TMEM154: variants seen among roughly 807,000 people sequenced by gnomAD.
TMEM154 encodes transmembrane protein 154.
TMEM154 carries 27 observed loss-of-function variants against 24.5 expected under a neutral mutation model. The ratio of observed to expected loss-of-function variants is 1.10; its 90% CI spans 0.81 to 1.52. The LOEUF (loss-of-function observed/expected upper bound fraction) is 1.52. Ranked by LOEUF, TMEM154 falls within the 40% of genes most tolerant of loss-of-function variation. TMEM154 has a pLI of 0.00. For synonymous variants in TMEM154, 67 were observed against 76.8 expected (o/e 0.87, Z 0.67); for missense variants, 228 against 213.4 (o/e 1.07, Z -0.43).
intron 1 of TMEM154, chr4:152,668,308 AG>A (rs981949056): frequency 7.9e-5 from 12 of 151,760 alleles, no homozygotes; most frequent in African/African-American, 2.9e-4. Flanking sequence ...AAAAAAAAAA[AG>A]GATTATTAAA....
Position 152,652,574 on chromosome 4 carries a change from G to T in TMEM154, c.328C>A (p.Pro110Thr), listed in dbSNP as rs368345486. 3.7e-6 allele frequency: 6 copies of T among 1,613,874 alleles called. No homozygotes were observed. The Admixed American group carries it at 5.0e-5, about 13-fold the overall frequency. ...YYKRKRTKQE[P>T]SSQGSQSALQ... ...GCACTCTGAGATCCTTGGCTAGAAG[G>T]TTCTGTATCAAAGCAAAGAATATTT... The change falls in exon 3 of 7, where the codon CCT (proline) becomes ACT (threonine). Residue 110 changes from proline (P) to threonine (T), a missense_variant and splice_region_variant. Physicochemically the swap from Pro to Thr is conservative, Grantham distance 38. Coordinates refer to ENST00000304385, the MANE Select transcript of TMEM154 (RefSeq NM_152680.3).
rs1228255033 is a variant in TMEM154, at chr4:152,627,644, A to G, written c.*902T>C. 2.0e-5 allele frequency: 3 copies of G among 152,224 alleles called. No individual in the cohort carries two copies. Among genetic ancestry groups the G allele is most frequent in the Non-Finnish European group, 1.5e-5 (1 of 68,058 alleles). 9.4% of individuals were successfully genotyped at this position (152,224 alleles called of 1,614,324 possible). ...TGAGTGAGATCTGCCACAGGCACGG[A>G]TATTTCCTGCTCCTCTTCTGTTTGT... On this transcript the variant is annotated 3_prime_UTR_variant, in exon 7 of 7. Coordinates refer to ENST00000304385, the MANE Select transcript of TMEM154 (RefSeq NM_152680.3).
intron 6 of TMEM154, among the ~76,000 whole-genome samples, chr4:152,629,818 A>G (rs754840429): frequency 2.6e-4 from 40 of 152,188 alleles, no homozygotes; most frequent in Non-Finnish European, 4.9e-4. Context: ...AGATAGATAG[A>G]CAGACAGATA....
chr4:152,675,246 A>C (rs1728929329), intron 1 of TMEM154, among the ~76,000 whole-genome samples: 1 of 152,080 alleles, frequency 6.6e-6, no homozygotes, highest in Admixed American at 6.6e-5. Context: ...AAAGTTACCA[A>C]ATAGATAATA....
At chr4:152,665,619 T>C (rs1728703564) in intron 1 of TMEM154, among the ~76,000 whole-genome samples, 1 of 152,160 alleles carries the variant, frequency 6.6e-6, no homozygotes, top group Non-Finnish European at 1.5e-5. Context: ...GAAAATGTTA[T>C]GGCTAATAGA....
intron 1 of TMEM154, among the ~76,000 whole-genome samples, chr4:152,656,494 T>C (rs896361562): frequency 2.0e-5 from 3 of 152,142 alleles, no homozygotes; most frequent in Admixed American, 1.3e-4. Flanking sequence ...CTACTGGCAC[T>C]GGTTCCAGCA....
chr4:152,676,835 C>G (rs1728959889), intron 1 of TMEM154, among the ~76,000 whole-genome samples: 1 of 152,164 alleles, frequency 6.6e-6, no homozygotes, highest in African/African-American at 2.4e-5. Flanking sequence ...AGAAAATCTC[C>G]CATTCCTCTC....
At chr4:152,670,381 G>A (rs180775934) in intron 1 of TMEM154, among the ~76,000 whole-genome samples, 327 of 152,240 alleles carry the variant, frequency 2.1e-3, no homozygotes, top group African/African-American at 7.7e-3. Context: ...ATTACTTGAG[G>A]TCAGGAGTTT....
chr4:152,645,103 T>C (rs1235935919), intron 3 of TMEM154, among the ~76,000 whole-genome samples: 3 of 121,412 alleles, frequency 2.5e-5, no homozygotes, highest in South Asian at 3.1e-4. Flanking sequence ...CAATTTCTCA[T>C]TGGTCAACCC....
rs942188874 is a variant in TMEM154, at chr4:152,627,430, G to A, written c.*1116C>T. 2 of 152,220 alleles carry A rather than the reference G, an allele frequency of 1.3e-5. No homozygotes were observed. The highest frequency in any genetic ancestry group is 1.3e-4 in the Admixed American group (2 of 15,276). 9.4% of individuals were successfully genotyped at this position (152,220 alleles called of 1,614,324 possible). On this transcript the variant is annotated 3_prime_UTR_variant, in exon 7 of 7. Transcript: ENST00000304385. Reference sequence around the variant, plus strand: ...AGATTTAGAAAATTAAGGAATAAATGAAGAACAATTTTACTGGAGTAGGTG... The same window carrying A: ...AGATTTAGAAAATTAAGGAATAAATAAAGAACAATTTTACTGGAGTAGGTG...
Position 152,660,382 on chromosome 4 carries a change from C to CCG in TMEM154, c.65-7456_65-7455insCG, listed in dbSNP as rs1033594483. Among the ~76,000 whole-genome samples, 31 of 151,348 alleles carry CCG rather than the reference C, an allele frequency of 2.0e-4. 1 individual carries two copies. Among genetic ancestry groups the CCG allele is most frequent in the African/African-American group, 6.6e-4 (27 of 40,752 alleles). ...CCTTGAGTATCCAGACCCCGCCCCC[C>CCG]CCTCACTTTACTTCTTTTGGTTACT... On this transcript the variant is annotated intron_variant, in intron 1 of 6. Coordinates refer to ENST00000304385, the MANE Select transcript of TMEM154 (RefSeq NM_152680.3).
intron 6 of TMEM154, among the ~76,000 whole-genome samples, chr4:152,628,812 ATT>A (rs777051841): frequency 1.2e-4 from 16 of 134,858 alleles, no homozygotes; most frequent in Admixed American, 1.5e-4. Flanking sequence ...AATTTTTTGT[ATT>A]TTTTTTTTTT....
In TMEM154 at chr4:152,662,621, ACAGGTGTC is replaced by A. The variant is rs553898804; in HGVS notation, c.65-9702_65-9695del. On this transcript the variant is annotated intron_variant, in intron 1 of 6. Transcript: ENST00000304385. ...CTCAAGGGATTTCCCCCAAAACATGACAGGTGTCCCTCCCATGGCCTATGGGTTAACAG... is the reference window on the plus strand; with the variant it reads ...CTCAAGGGATTTCCCCCAAAACATGACCTCCCATGGCCTATGGGTTAACAG... Among the ~76,000 whole-genome samples the A allele has an allele frequency of 1.9e-3, 294 of 152,190 alleles. 1 individual carries two copies. Among genetic ancestry groups the A allele is most frequent in the African/African-American group, 6.6e-3 (272 of 41,518 alleles).
At chr4:152,658,229 G>T (rs1367422082) in intron 1 of TMEM154, among the ~76,000 whole-genome samples, 1 of 152,002 alleles carries the variant, frequency 6.6e-6, no homozygotes, top group Non-Finnish European at 1.5e-5. Flanking sequence ...TTTTAAAAAA[G>T]GCTTGAAACA....
chr4:152,645,000 G>C (rs542665804), intron 3 of TMEM154, among the ~76,000 whole-genome samples: 1 of 152,178 alleles, frequency 6.6e-6, no homozygotes, highest in African/African-American at 2.4e-5. Flanking sequence ...TCCTCGGGGA[G>C]GCCTTCCCCA....
chr4:152,630,697 T>C (rs543313741), intron 6 of TMEM154, among the ~76,000 whole-genome samples: 1 of 152,332 alleles, frequency 6.6e-6, no homozygotes, highest in South Asian at 2.1e-4. Flanking sequence ...AAGTTAATTA[T>C]TATAAAATTT....
chr4:152,659,564 T>A (rs1418935110), intron 1 of TMEM154, among the ~76,000 whole-genome samples: 1 of 152,224 alleles, frequency 6.6e-6, no homozygotes, highest in Non-Finnish European at 1.5e-5. Flanking sequence ...AAGTGATGGA[T>A]ACCCCAAATA....
chr4:152,634,361 T>C (rs1752108150), intron 6 of TMEM154, among the ~76,000 whole-genome samples: 1 of 152,218 alleles, frequency 6.6e-6, no homozygotes, highest in East Asian at 1.9e-4. Context: ...GTTAAAACTT[T>C]CTTGTGTTAT....
chr4:152,643,147 G>A lies in TMEM154; in HGVS notation c.419C>T (p.Ser140Phe). 1 of 1,612,852 alleles carries A rather than the reference G, an allele frequency of 6.2e-7. No individual in the cohort carries two copies. The highest frequency in any genetic ancestry group is 8.5e-7 in the Non-Finnish European group (1 of 1,179,614). Residue 140 changes from serine (S) to phenylalanine (F), a missense_variant, in exon 5 of 7, where the codon TCT becomes TTT. By Grantham distance (155) the Ser-to-Phe change is radical (BLOSUM62 -2). Coordinates refer to ENST00000304385, the MANE Select transcript of TMEM154 (RefSeq NM_152680.3). The stretch of plus-strand genomic sequence containing the variant: ...CTCTTCCATTTCAATTTCCATAACA[G>A]AGGGTGTATCTTCCTCAAAAATAGG... ...KVPIFEEDTP[S>F]VMEIEMEELD...
Sources: allele counts gnomAD v4.1 joint callset (sites outside exome capture counted in the v4.1 genomes callset), GRCh38; gene constraint gnomAD v4.1.1; transcripts MANE v1.5; gene names NCBI Gene and HGNC (gene_info 2026-07-23, HGNC 2026-07-21).